PTPRB: variants seen among roughly 807,000 people sequenced by gnomAD.
PTPRB encodes the protein receptor-type tyrosine-protein phosphatase beta.
A neutral mutation model predicts 238.1 loss-of-function variants in PTPRB; 97 were observed. That is an observed-to-expected ratio of 0.41 (90% CI 0.35 to 0.48). The LOEUF is 0.48. Ranked by LOEUF, PTPRB falls within the 20% of genes least tolerant of loss-of-function variation. The pLI, the probability that PTPRB is intolerant of heterozygous loss-of-function variation, is 0.30. For synonymous variants in PTPRB, 970 were observed against 995.4 expected (o/e 0.97, Z 0.48); for missense variants, 2,292 against 2,681.9 (o/e 0.85, Z 3.21).
chr12:70,599,115 A>G (rs1030094562), intron 4 of PTPRB, among the ~76,000 whole-genome samples: 5 of 152,208 alleles, frequency 3.3e-5, no homozygotes, highest in African/African-American at 1.2e-4. Context: ...CTTTAAATCT[A>G]AGCCCAATAA....
chr12:70,619,515 G>A (rs1372472482), intron 3 of PTPRB, among the ~76,000 whole-genome samples: 1 of 152,096 alleles, frequency 6.6e-6, no homozygotes, highest in African/African-American at 2.4e-5. Context: ...AAGTGATGTT[G>A]CATGGTTCCA....
Position 70,587,196 on chromosome 12 carries a change from G to C in PTPRB, c.2122C>G (p.Pro708Ala), listed in dbSNP as rs528893842. Residue 708 changes from proline (P) to alanine (A), a missense_variant, in exon 9 of 34, where the codon CCT becomes GCT. Pro to Ala is a conservative substitution (Grantham distance 27, BLOSUM62 -1). This residue lies in a region of PTPRB where 1,205 missense variants were observed against 1,287.8 expected (regional missense o/e 0.94). Coordinates refer to ENST00000334414, the MANE Select transcript of PTPRB (RefSeq NM_001109754.4). The part of the protein sequence containing the change: ...ETSLSIMWQT[P>A]VAEWEKYIIS... The stretch of plus-strand genomic sequence containing the variant: ...ATGTATTTCTCCCATTCTGCTACAG[G>C]GGTCTGCCACATGATACTCAGTGAG... 6.2e-7 allele frequency: 1 copy of C among 1,613,594 alleles called. No homozygotes were observed. Among genetic ancestry groups the C allele is most frequent in the Non-Finnish European group, 8.5e-7 (1 of 1,179,592 alleles).
In PTPRB at chr12:70,635,969, C is replaced by G; in HGVS notation, c.153G>C (p.Gln51His). 6.2e-7 allele frequency: 1 copy of G among 1,613,658 alleles called. No homozygotes were observed. Among genetic ancestry groups the G allele is most frequent in the Non-Finnish European group, 8.5e-7 (1 of 1,179,790 alleles). Residue 51 changes from glutamine (Q) to histidine (H), a missense_variant, in exon 2 of 34, where the codon CAG becomes CAC. Coordinates refer to ENST00000334414, the MANE Select transcript of PTPRB (RefSeq NM_001109754.4). ...GSCNRTIQNQ[Q>H]WMWTEDEKLL... Reference sequence around the variant, plus strand: ...GCTTTTCATCCTCAGTCCACATCCACTGCTGGTTCTGGATGGTCCTGTTGC... The same window carrying G: ...GCTTTTCATCCTCAGTCCACATCCAGTGCTGGTTCTGGATGGTCCTGTTGC...
Position 70,544,746 on chromosome 12 carries a change from G to A in PTPRB, c.5388-83C>T, listed in dbSNP as rs12313632. 3.4e-3 allele frequency: 3,053 copies of A among 900,656 alleles called. 64 individuals carry two copies. The African/African-American group carries it at 0.045, about 13-fold the overall frequency. 55.8% of individuals were successfully genotyped at this position (900,656 alleles called of 1,614,324 possible). On this transcript the variant is annotated intron_variant, in intron 21 of 33. Transcript: ENST00000334414. ...AAATGTGTTCAAGGAGAAATAGGGC[G>A]GGTTCCTGGTCAGTGGGTAGCAGGG...
chr12:70,584,809 C>T (rs201289776), intron 9 of PTPRB, among the ~76,000 whole-genome samples: 1 of 151,422 alleles, frequency 6.6e-6, no homozygotes, highest in East Asian at 1.9e-4. Flanking sequence ...ATCTCAGATG[C>T]AGGGGGAAAA....
At chr12:70,537,938 G>A (rs1592416206) in intron 28 of PTPRB, 1 of 466,892 alleles carries the variant, frequency 2.1e-6, no homozygotes, top group Admixed American at 3.8e-5. Context: ...TGCATCTTGG[G>A]CTCATAATTT....
intron 3 of PTPRB, among the ~76,000 whole-genome samples, chr12:70,614,598 A>G (rs1052560254): frequency 1.3e-5 from 2 of 152,194 alleles, no homozygotes; most frequent in Non-Finnish European, 2.9e-5. Flanking sequence ...TACTTAAGCA[A>G]AAAGGATCAA....
At chr12:70,575,379 T>C (rs927854595) in intron 11 of PTPRB, among the ~76,000 whole-genome samples, 8 of 152,206 alleles carry the variant, frequency 5.3e-5, no homozygotes, top group African/African-American at 1.9e-4. Context: ...AAGAATCTGA[T>C]AAAAGCCATG....
chr12:70,545,771 G>A (rs1006853146), intron 21 of PTPRB, among the ~76,000 whole-genome samples: 4 of 152,178 alleles, frequency 2.6e-5, no homozygotes, highest in Non-Finnish European at 5.9e-5. Context: ...CTGAAGAGAA[G>A]CAGGGGAGAA....
chr12:70,622,265 G>T lies in PTPRB; in HGVS notation c.708+125C>A, dbSNP rs528761960. 7.4e-6 allele frequency: 10 copies of T among 1,358,944 alleles called. No homozygotes were observed. In the African/African-American group the frequency reaches 1.5e-4, roughly 20 times the overall value. 84.2% of individuals were successfully genotyped at this position (1,358,944 alleles called of 1,614,324 possible). A position where few individuals can be genotyped will look rare whatever the true frequency, so the allele number is the denominator to read the frequency against. ...GCTTTCCTGTACAATTAGCAGCCAG[G>T]ACACAGGGTGAGAGTGCCTAATCCC... On this transcript the variant is annotated intron_variant, in intron 3 of 33. Transcript: ENST00000334414.
chr12:70,587,336 G>A (rs1162713146), intron 8 of PTPRB, 69 bp from the exon 9 acceptor site: 1 of 1,504,556 alleles, frequency 6.6e-7, no homozygotes, highest in African/African-American at 1.4e-5. Flanking sequence ...ACTTTTGATA[G>A]TTCTCCTCTT....
chr12:70,568,746 A>G (rs1386310963), intron 14 of PTPRB, among the ~76,000 whole-genome samples: 2 of 152,242 alleles, frequency 1.3e-5, no homozygotes, highest in African/African-American at 4.8e-5. Context: ...AATGGGAGAC[A>G]TCTAAGAAGT....
intron 33 of PTPRB, among the ~76,000 whole-genome samples, chr12:70,522,865 T>TC (rs1871814546): frequency 7.0e-6 from 1 of 141,976 alleles, no homozygotes; most frequent in African/African-American, 2.7e-5. Context: ...TGTTTTTTCT[T>TC]TTTTTTTTTT....
chr12:70,612,844 G>A (rs953079512), intron 3 of PTPRB, among the ~76,000 whole-genome samples: 3 of 151,930 alleles, frequency 2.0e-5, no homozygotes, highest in Non-Finnish European at 2.9e-5. Flanking sequence ...AAAATTAGCT[G>A]GATGCTGTGG....
In PTPRB at chr12:70,540,842, G is replaced by A. The variant is rs1874963172; in HGVS notation, c.5594+16C>T. On this transcript the variant is annotated intron_variant, in intron 23 of 33. Coordinates refer to ENST00000334414, the MANE Select transcript of PTPRB (RefSeq NM_001109754.4). ...AAAGTTGTGGGTCCAATCACCAAAA[G>A]GATCTTTGTACTTACCTCACTTTCT... is the stretch of plus-strand genomic sequence containing the variant. 6.4e-7 allele frequency: 1 copy of A among 1,573,960 alleles called. No individual in the cohort carries two copies. The highest frequency in any genetic ancestry group is 8.6e-7 in the Non-Finnish European group (1 of 1,156,734).
chr12:70,625,653 G>T (rs1885141198), intron 2 of PTPRB, among the ~76,000 whole-genome samples: 1 of 151,334 alleles, frequency 6.6e-6, no homozygotes, highest in African/African-American at 2.4e-5. Context: ...TGAATTCTTT[G>T]GGTGTTCTTA....
At chr12:70,580,586 G>A (rs559785370) in intron 10 of PTPRB, among the ~76,000 whole-genome samples, 24 of 152,164 alleles carry the variant, frequency 1.6e-4, no homozygotes, top group Non-Finnish European at 2.8e-4. Context: ...TTGGGAGGCC[G>A]AGGCGGGTGG....
intron 4 of PTPRB, among the ~76,000 whole-genome samples, chr12:70,601,893 C>A (rs1323921052): frequency 6.7e-6 from 1 of 150,032 alleles, no homozygotes; most frequent in Non-Finnish European, 1.5e-5. Context: ...CCAGGTCCTG[C>A]CATTCCCCTG....
intron 4 of PTPRB, among the ~76,000 whole-genome samples, chr12:70,603,860 C>T (rs1222462104): frequency 2.0e-5 from 3 of 152,200 alleles, no homozygotes. Flanking sequence ...AAACTCAACT[C>T]TTAGTCTCTA....
Sources: gnomAD v4.1 joint callset for allele counts (sites outside exome capture counted in the v4.1 genomes callset) on GRCh38, gnomAD v4.1.1 for gene constraint, gnomAD v4.1.1 regional missense constraint, MANE v1.5 for transcripts, NCBI Gene and HGNC (gene_info 2026-07-23, HGNC 2026-07-21) for gene names.